CADM2: variants seen among roughly 807,000 people sequenced by gnomAD.
The protein encoded by CADM2 is immunoglobulin superfamily member 4D.
A neutral mutation model predicts 49.8 loss-of-function variants in CADM2; 12 were observed. The ratio of observed to expected loss-of-function variants is 0.24; its 90% confidence interval spans 0.15 to 0.39. The LOEUF is 0.39. CADM2 is among the 10% of genes least tolerant of loss of function. The pLI is 1.00. For synonymous variants in CADM2, 214 were observed against 175.4 expected (o/e 1.22, Z -1.74); for missense variants, 378 against 492.3 (o/e 0.77, Z 2.20).
At chr3:85,380,652 C>G (rs991430174) in intron 1 of CADM2, among the ~76,000 whole-genome samples, 1 of 151,766 alleles carries the variant, frequency 6.6e-6, no homozygotes, top group Non-Finnish European at 1.5e-5. Context: ...AATTAAATGA[C>G]AAAAACCCAG....
intron 1 of CADM2, among the ~76,000 whole-genome samples, chr3:85,066,109 C>T (rs765483974): frequency 2.0e-4 from 30 of 152,050 alleles, no homozygotes; most frequent in Non-Finnish European, 3.5e-4. Context: ...ACGTAAGAGA[C>T]ACAGAGCAAC....
intron 1 of CADM2, among the ~76,000 whole-genome samples, chr3:85,679,144 A>G (rs1282233953): frequency 6.6e-6 from 1 of 152,206 alleles, no homozygotes; most frequent in African/African-American, 2.4e-5. Context: ...AATAAAAGGA[A>G]GACAAAATAT....
chr3:86,060,765 C>T (rs895635401), intron 8 of CADM2, among the ~76,000 whole-genome samples: 4 of 151,944 alleles, frequency 2.6e-5, no homozygotes, highest in African/African-American at 9.7e-5. Context: ...GGGCAGATCA[C>T]GAGGTCAGGA....
chr3:85,314,045 A>G (rs1261029454), intron 1 of CADM2, among the ~76,000 whole-genome samples: 1 of 151,996 alleles, frequency 6.6e-6, no homozygotes, highest in African/African-American at 2.4e-5. Flanking sequence ...GCGTGCCACC[A>G]CGCCTGGTAA....
intron 8 of CADM2, chr3:86,013,801 A>G: frequency 6.3e-7 from 1 of 1,589,328 alleles, no homozygotes. Context: ...TGGGGATTAA[A>G]TATGAAGCAT....
At chr3:85,945,120 C>T in intron 7 of CADM2, among the ~76,000 whole-genome samples, 1 of 152,080 alleles carries the variant, frequency 6.6e-6, no homozygotes, top group Non-Finnish European at 1.5e-5. Context: ...CACAGAAATA[C>T]AAACTACCAT....
At chr3:86,017,189 T>A (rs1219777718) in intron 8 of CADM2, among the ~76,000 whole-genome samples, 1 of 144,648 alleles carries the variant, frequency 6.9e-6, no homozygotes, top group African/African-American at 2.5e-5. Flanking sequence ...TATATATATA[T>A]ATATAATTTA....
intron 1 of CADM2, among the ~76,000 whole-genome samples, chr3:85,186,185 G>A (rs754335310): frequency 7.9e-5 from 12 of 152,108 alleles, no homozygotes; most frequent in Non-Finnish European, 1.5e-4. Flanking sequence ...AGTCCATTAT[G>A]AACGTTATTT....
At chr3:84,992,086 A>G (rs187118653) in intron 1 of CADM2, among the ~76,000 whole-genome samples, 5 of 152,304 alleles carry the variant, frequency 3.3e-5, no homozygotes, top group Non-Finnish European at 2.9e-5. Flanking sequence ...TTGCCATTAT[A>G]CATTTGTCCA....
intron 1 of CADM2, among the ~76,000 whole-genome samples, chr3:84,978,482 A>T (rs1183363141): frequency 6.6e-6 from 1 of 152,186 alleles, no homozygotes; most frequent in Non-Finnish European, 1.5e-5. Context: ...CCTTTCTCAG[A>T]CACATCATTT....
chr3:84,987,917 C>G (rs1232528404), intron 1 of CADM2, among the ~76,000 whole-genome samples: 1 of 152,176 alleles, frequency 6.6e-6, no homozygotes, highest in Non-Finnish European at 1.5e-5. Flanking sequence ...TCTCCCCCTG[C>G]AGGGGTGTGT....
intron 1 of CADM2, among the ~76,000 whole-genome samples, chr3:85,210,378 C>T (rs531088236): frequency 6.6e-6 from 1 of 152,070 alleles, no homozygotes; most frequent in Non-Finnish European, 1.5e-5. Context: ...AATCAGCTAG[C>T]ATTTTATTGA....
At chr3:85,710,521 T>C (rs1377465186) in intron 1 of CADM2, among the ~76,000 whole-genome samples, 1 of 152,134 alleles carries the variant, frequency 6.6e-6, no homozygotes, top group East Asian at 1.9e-4. Flanking sequence ...AAATGGAACA[T>C]TGGATATATT....
chr3:85,521,129 A>G (rs2061018244), intron 1 of CADM2, among the ~76,000 whole-genome samples: 1 of 152,166 alleles, frequency 6.6e-6, no homozygotes, highest in African/African-American at 2.4e-5. Context: ...AATTGTTTAG[A>G]GAAAGCCTAT....
At chr3:85,635,237 T>G (rs2064433963) in intron 1 of CADM2, among the ~76,000 whole-genome samples, 1 of 152,260 alleles carries the variant, frequency 6.6e-6, no homozygotes, top group South Asian at 2.1e-4. Flanking sequence ...ACAAAAAATT[T>G]TCTGAGAACA....
intron 7 of CADM2, among the ~76,000 whole-genome samples, chr3:85,941,852 A>G (rs1315540559): frequency 6.6e-6 from 1 of 152,108 alleles, no homozygotes; most frequent in East Asian, 1.9e-4. Flanking sequence ...GGTCAGTGAT[A>G]CATAAGACCT....
intron 2 of CADM2, among the ~76,000 whole-genome samples, chr3:85,729,574 T>A (rs2067848302): frequency 6.6e-6 from 1 of 152,114 alleles, no homozygotes. Context: ...CACGCGTAAA[T>A]TTTGTATGTA....
Position 85,030,613 on chromosome 3 carries a change from C to T in CADM2, c.61+70945C>T, listed in dbSNP as rs1409221455. On this transcript the variant is annotated intron_variant, in intron 1 of 9. Transcript: ENST00000383699. Reference sequence around the variant, plus strand: ...AACTGAACTAATAAAACCTGTCAAACAGGATATTCCTTGAATTCCCTTGAC... The same window carrying T: ...AACTGAACTAATAAAACCTGTCAAATAGGATATTCCTTGAATTCCCTTGAC... Among the ~76,000 whole-genome samples, 4 of 152,170 alleles carry T rather than the reference C, an allele frequency of 2.6e-5. No homozygotes were observed. The East Asian group carries it at 5.8e-4, about 22-fold the overall frequency.
intron 1 of CADM2, among the ~76,000 whole-genome samples, chr3:85,037,706 A>T (rs1265050328): frequency 6.6e-6 from 1 of 152,134 alleles, no homozygotes; most frequent in Non-Finnish European, 1.5e-5. Flanking sequence ...TGCATTATAT[A>T]TGCCTTGGGA....
Sources: allele counts gnomAD v4.1 joint callset (sites outside exome capture counted in the v4.1 genomes callset), GRCh38; gene constraint gnomAD v4.1.1; transcripts MANE v1.5; gene names NCBI Gene and HGNC (gene_info 2026-07-23, HGNC 2026-07-21).